Variants in CNTNAP3 observed in about 807,000 individuals in gnomAD.
CNTNAP3 encodes the protein contactin-associated protein-like 3.
In CNTNAP3, 36 loss-of-function variants were observed where a neutral mutation model predicts 92.1. The ratio of observed to expected loss-of-function variants is 0.39; its 90% CI spans 0.30 to 0.52. CNTNAP3 has a LOEUF of 0.52. Ranked by LOEUF, CNTNAP3 falls within the 20% of genes least tolerant of loss-of-function variation. CNTNAP3 has a pLI of 0.76. For synonymous variants in CNTNAP3, 232 were observed against 422.3 expected (o/e 0.55, Z 5.53); for missense variants, 534 against 1,069.6 (o/e 0.50, Z 6.98).
chr9:39,116,620 C>T lies in CNTNAP3; in HGVS notation c.2237+1483G>A, dbSNP rs1434548711. ...GTTCCTGTTACTCACTGCACTAAAACTGCATTCATTTTTAAGTAAGAGAAA... is the reference window on the plus strand; with the variant it reads ...GTTCCTGTTACTCACTGCACTAAAATTGCATTCATTTTTAAGTAAGAGAAA... On this transcript the variant is annotated intron_variant, in intron 14 of 23. Transcript: ENST00000297668. Among the ~76,000 whole-genome samples, 12 of 152,134 alleles carry T rather than the reference C, an allele frequency of 7.9e-5. 1 individual carries two copies. The highest frequency in any genetic ancestry group is 1.8e-4 in the Non-Finnish European group (12 of 68,030).
chr9:39,068,130 T>C lies in CNTNAP3; in HGVS notation c.*5760A>G, dbSNP rs1825551652. On this transcript the variant is annotated 3_prime_UTR_variant, in exon 24 of 24. Transcript: ENST00000297668. ...TATTAAAATTTCAGGGCGGGCGCAG[T>C]GGCTTACGCCTGTGATACCAGCGCT... 6.6e-6 allele frequency among the ~76,000 whole-genome samples: 1 copy of C among 152,306 alleles called. No homozygotes were observed.
chr9:39,107,312 G>GGGAAGGAAGGAAGGAA (rs772485564), intron 15 of CNTNAP3, among the ~76,000 whole-genome samples: 2 of 150,530 alleles, frequency 1.3e-5, no homozygotes, highest in Non-Finnish European at 3.0e-5. Flanking sequence ...GGAGGGAGTG[G>GGGAAGGAAGGAAGGAA]GGAAGGAAGG....
chr9:39,089,645 TTTCCAAAATAGCTATACCATTTTACA>T (rs2118434177), intron 18 of CNTNAP3, among the ~76,000 whole-genome samples: 1 of 152,320 alleles, frequency 6.6e-6, no homozygotes, highest in East Asian at 1.9e-4. Context: ...TGCCATATTT[TTTCCAAAATAGCTATACCATTTTACA>T]TTCCAAACAG....
chr9:39,100,256 G>A, intron 17 of CNTNAP3, 106 bp from the exon 18 acceptor site: 1 of 1,541,322 alleles, frequency 6.5e-7, no homozygotes, highest in Non-Finnish European at 8.8e-7. Context: ...TAATCACAAT[G>A]TGTCAAAAAA....
chr9:39,158,994 G>A (rs969595428), intron 9 of CNTNAP3: 1 of 120,348 alleles, frequency 8.3e-6, no homozygotes, highest in Non-Finnish European at 1.8e-5. Flanking sequence ...GTCACATTCT[G>A]GAGTTCATAT....
At position 39,073,476 on chromosome 9, in the gene CNTNAP3, C is replaced by G; in HGVS notation, c.*414G>C. 3.3e-6 allele frequency: 1 copy of G among 299,878 alleles called. No individual in the cohort carries two copies. Among genetic ancestry groups the G allele is most frequent in the South Asian group, 3.8e-5 (1 of 26,182 alleles). The allele number at this position is 299,878 out of a possible 1,614,324, so 18.6% of individuals were successfully genotyped here. A position where few individuals can be genotyped will look rare whatever the true frequency, so the allele number is the denominator to read the frequency against. ...TAAAGTGCAATTTTGTCTTTTACAT[C>G]TGAACAAAAGTTCTGTCATTTTTAA... On this transcript the variant is annotated 3_prime_UTR_variant, in exon 24 of 24. Coordinates refer to ENST00000297668, the MANE Select transcript of CNTNAP3 (RefSeq NM_033655.5).
intron 13 of CNTNAP3, among the ~76,000 whole-genome samples, chr9:39,128,827 T>G (rs1344154939): frequency 2.0e-5 from 3 of 150,958 alleles, no homozygotes; most frequent in Non-Finnish European, 4.4e-5. Flanking sequence ...CTTATAAGAT[T>G]AGTATGAAAC....
chr9:39,104,017 G>T (rs1240346221), intron 15 of CNTNAP3, 103 bp from the exon 16 acceptor site: 6 of 1,500,882 alleles, frequency 4.0e-6, no homozygotes, highest in Non-Finnish European at 5.3e-6. Context: ...TACATTAATA[G>T]AATCTATATG....
At chr9:39,083,691 C>A (rs1826000268) in intron 21 of CNTNAP3, among the ~76,000 whole-genome samples, 1 of 152,206 alleles carries the variant, frequency 6.6e-6, no homozygotes, top group Non-Finnish European at 1.5e-5. Flanking sequence ...CATGTACACA[C>A]ACAAAGCAAA....
At chr9:39,105,265 A>G (rs1436115786) in intron 15 of CNTNAP3, among the ~76,000 whole-genome samples, 1 of 152,098 alleles carries the variant, frequency 6.6e-6, no homozygotes, top group Non-Finnish European at 1.5e-5. Context: ...GTCTCTACTA[A>G]AAATACAAAA....
intron 14 of CNTNAP3, among the ~76,000 whole-genome samples, chr9:39,110,256 T>TTCC (rs1313018379): frequency 6.6e-6 from 1 of 151,890 alleles, no homozygotes; most frequent in East Asian, 1.9e-4. Context: ...ATTAGCTGGG[T>TTCC]GTGATGGTGC....
intron 15 of CNTNAP3, among the ~76,000 whole-genome samples, chr9:39,105,813 G>A (rs1421846504): frequency 6.6e-6 from 1 of 150,852 alleles, no homozygotes; most frequent in African/African-American, 2.4e-5. Context: ...ATTGCTTCTA[G>A]CCCTCTCAGT....
intron 13 of CNTNAP3, among the ~76,000 whole-genome samples, chr9:39,130,037 A>G (rs1821240307): frequency 6.6e-6 from 1 of 152,168 alleles, no homozygotes; most frequent in Non-Finnish European, 1.5e-5. Context: ...GAAATCATAC[A>G]CTGTTGGTGG....
chr9:39,124,370 A>C (rs1821107832), intron 13 of CNTNAP3, among the ~76,000 whole-genome samples: 1 of 152,190 alleles, frequency 6.6e-6, no homozygotes, highest in Admixed American at 6.5e-5. Flanking sequence ...TTCAGGAAAA[A>C]AAGAAGAAAC....
chr9:39,076,857 A>T (rs1241287979), intron 23 of CNTNAP3, among the ~76,000 whole-genome samples: 1 of 152,270 alleles, frequency 6.6e-6, no homozygotes, highest in African/African-American at 2.4e-5. Context: ...ATCCCCAGCT[A>T]CTTGGGCTGC....
At chr9:39,091,869 A>G (rs1826212622) in intron 18 of CNTNAP3, among the ~76,000 whole-genome samples, 2 of 151,906 alleles carry the variant, frequency 1.3e-5, no homozygotes, top group Non-Finnish European at 3.0e-5. Flanking sequence ...CCTGGGCTTT[A>G]CTTTGTGTGG....
intron 13 of CNTNAP3, among the ~76,000 whole-genome samples, chr9:39,131,553 C>T (rs1028214300): frequency 3.3e-5 from 5 of 151,612 alleles, no homozygotes; most frequent in African/African-American, 1.2e-4. Flanking sequence ...GGGCCGGGCG[C>T]GGTGGCTCAC....
intron 18 of CNTNAP3, among the ~76,000 whole-genome samples, chr9:39,091,168 C>CTTTTTTTTTTTTTTTTTTTTTTT (rs1319060417): frequency 8.5e-6 from 1 of 117,982 alleles, no homozygotes. Context: ...TGTTTTTCTT[C>CTTTTTTTTTTTTTTTTTTTTTTT]TTCTTTTTTT....
chr9:39,143,087 AG>A (rs1253208385), intron 11 of CNTNAP3, among the ~76,000 whole-genome samples: 2 of 146,276 alleles, frequency 1.4e-5, no homozygotes, highest in Admixed American at 1.3e-4. Context: ...AAAAACAAAT[AG>A]GAAAAAAAAG....
Sources: gnomAD v4.1 joint callset for allele counts (sites outside exome capture counted in the v4.1 genomes callset) on GRCh38, gnomAD v4.1.1 for gene constraint, MANE v1.5 for transcripts, NCBI Gene and HGNC (gene_info 2026-07-23, HGNC 2026-07-21) for gene names.